IPO11: variants seen among roughly 807,000 people sequenced by gnomAD.
IPO11 encodes the protein importin-11.
In IPO11, 66 loss-of-function variants were observed where a neutral mutation model predicts 143.2. The observed-to-expected ratio is 0.46, with a 90% CI of 0.38 to 0.57. IPO11 has a LOEUF of 0.57. Ranked by LOEUF, IPO11 falls within the 20% of genes least tolerant of loss-of-function variation. The pLI, the probability that IPO11 is intolerant of heterozygous loss-of-function variation, is 0.00. For synonymous variants in IPO11, 385 were observed against 377.8 expected (o/e 1.02, Z -0.22); for missense variants, 1,026 against 1,141.0 (o/e 0.90, Z 1.45).
intron 13 of IPO11, among the ~76,000 whole-genome samples, chr5:62,488,523 T>TA (rs1746492122): frequency 6.6e-6 from 1 of 152,208 alleles, no homozygotes; most frequent in Non-Finnish European, 1.5e-5. Flanking sequence ...AGGAAACAGT[T>TA]ACCTCATTAG....
intron 28 of IPO11, among the ~76,000 whole-genome samples, chr5:62,592,687 T>C (rs1205322609): frequency 6.6e-6 from 1 of 152,112 alleles, no homozygotes; most frequent in East Asian, 1.9e-4. Context: ...GGAAACCTAC[T>C]GTCATGGCAG....
chr5:62,445,416 A>G (rs1026684691), intron 3 of IPO11, among the ~76,000 whole-genome samples: 1 of 152,124 alleles, frequency 6.6e-6, no homozygotes, highest in Admixed American at 6.6e-5. Context: ...ATTGTTAAAG[A>G]TGTGAATTTT....
intron 15 of IPO11, among the ~76,000 whole-genome samples, chr5:62,491,703 T>G (rs1192894018): frequency 6.6e-6 from 1 of 151,172 alleles, no homozygotes; most frequent in African/African-American, 2.4e-5. Flanking sequence ...TCTTGCTCTG[T>G]TGCCCAGGCT....
chr5:62,497,494 G>T (rs1027640469), intron 16 of IPO11, among the ~76,000 whole-genome samples: 1 of 151,936 alleles, frequency 6.6e-6, no homozygotes, highest in African/African-American at 2.4e-5. Flanking sequence ...TTGAGACAAG[G>T]TCTCACTTTG....
rs568427976 is a variant in IPO11 at position 62,449,955 on chromosome 5, C to G, written c.268C>G (p.Leu90Val). The change falls in exon 4 of 30, where the codon CTG (leucine) becomes GTG (valine). Residue 90 changes from leucine (L) to valine (V), a missense_variant. Transcript: ENST00000325324. ...HALSEEEKTT[L>V]RAGLITNFNE... ...TCTCTCAGAGGAGGAGAAAACTACTCTGCGTGCAGGGCTCATCACCAACTT... is the reference window on the plus strand; with the variant it reads ...TCTCTCAGAGGAGGAGAAAACTACTGTGCGTGCAGGGCTCATCACCAACTT... 6 of 1,595,764 alleles carry G rather than the reference C, an allele frequency of 3.8e-6. No homozygotes were observed. Among genetic ancestry groups the G allele is most frequent in the Non-Finnish European group, 1.7e-6 (2 of 1,172,878 alleles).
At chr5:62,489,084 A>G (rs1329457422) in intron 13 of IPO11, among the ~76,000 whole-genome samples, 1 of 152,134 alleles carries the variant, frequency 6.6e-6, no homozygotes, top group Non-Finnish European at 1.5e-5. Context: ...TTGTCATAAC[A>G]TTTTTCAAAT....
At chr5:62,448,975 T>C (rs983409111) in intron 3 of IPO11, among the ~76,000 whole-genome samples, 3 of 152,222 alleles carry the variant, frequency 2.0e-5, no homozygotes, top group Non-Finnish European at 2.9e-5. Context: ...TTAATTTAAT[T>C]CTGATACCCA....
chr5:62,478,332 A>C (rs558403809), intron 9 of IPO11, among the ~76,000 whole-genome samples: 4 of 151,780 alleles, frequency 2.6e-5, no homozygotes, highest in Non-Finnish European at 5.9e-5. Context: ...CGCCCAGCTA[A>C]ATTTTTGTAT....
At chr5:62,548,884 C>T (rs1423769647) in intron 24 of IPO11, among the ~76,000 whole-genome samples, 1 of 151,986 alleles carries the variant, frequency 6.6e-6, no homozygotes, top group East Asian at 1.9e-4. Flanking sequence ...AAATTATGCT[C>T]CCCCTCTTAA....
chr5:62,550,400 C>G lies in IPO11; in HGVS notation c.2284C>G (p.Leu762Val). The change falls in exon 25 of 30, where the codon CTA becomes GTA. Residue 762 changes from leucine (L) to valine (V), a missense_variant. Physicochemically the swap from Leu to Val is conservative, Grantham distance 32 (BLOSUM62 1). Transcript: ENST00000325324. ...AAATGCCCTTAAAGTGAACCCAATA[C>G]TAGGTCCACAAATGTTTCAACCGAT... ...VENALKVNPI[L>V]GPQMFQPILP... The G allele has an allele frequency of 6.2e-7, 1 of 1,612,992 alleles. No homozygotes were observed. The highest frequency in any genetic ancestry group is 8.5e-7 in the Non-Finnish European group (1 of 1,179,374).
intron 1 of IPO11, among the ~76,000 whole-genome samples, chr5:62,429,587 CGTGT>C (rs56185914): frequency 0.03 from 3,838 of 128,502 alleles, 110 homozygotes; most frequent in African/African-American, 0.085. Flanking sequence ...GTCTGATTTT[CGTGT>C]GTGTGTGTGT....
rs143547561 is a variant in IPO11, at chr5:62,415,224, C to T, written c.-7+2295C>T. On this transcript the variant is annotated intron_variant, in intron 1 of 29. Coordinates refer to ENST00000325324, the MANE Select transcript of IPO11 (RefSeq NM_016338.5). ...TGTCACCTAGGCTGGAGTGCAGTGG[C>T]GTGATCTCTGCTCACTGCATCTTCC... Among the ~76,000 whole-genome samples, 1,102 of 152,188 alleles carry T rather than the reference C, an allele frequency of 7.2e-3. 14 individuals carry two copies. The highest frequency in any genetic ancestry group is 0.025 in the African/African-American group (1,036 of 41,532).
At position 62,494,060 on chromosome 5, in the gene IPO11, A is replaced by G. The variant is rs759774961; in HGVS notation, c.1526A>G (p.Lys509Arg). ...GGTCAGTGGATTTCTGTGAAATTCA[A>G]GTCTGACTTAAGACCCATGCTTTAT... ...LIGQWISVKFKSDLRPMLYEA... is the reference protein window; with the variant it reads ...LIGQWISVKFRSDLRPMLYEA... Residue 509 changes from lysine (K) to arginine (R), a missense_variant, in exon 16 of 30, where the codon AAG becomes AGG. Coordinates refer to ENST00000325324, the MANE Select transcript of IPO11 (RefSeq NM_016338.5). The G allele has an allele frequency of 1.2e-6, 2 of 1,613,628 alleles. No homozygotes were observed. The highest frequency in any genetic ancestry group is 1.7e-6 in the Non-Finnish European group (2 of 1,179,640).
At chr5:62,472,020 G>C (rs1295081086) in intron 7 of IPO11, among the ~76,000 whole-genome samples, 1 of 152,092 alleles carries the variant, frequency 6.6e-6, no homozygotes, top group African/African-American at 2.4e-5. Context: ...GATACATTTC[G>C]ATTGCCATGC....
At chr5:62,434,896 G>C (rs377686828) in intron 1 of IPO11, among the ~76,000 whole-genome samples, 1 of 151,056 alleles carries the variant, frequency 6.6e-6, no homozygotes, top group Non-Finnish European at 1.5e-5. Context: ...GTGGTGGCTC[G>C]CGCCTGTAGT....
At chr5:62,551,811 G>A (rs139181892) in intron 26 of IPO11, among the ~76,000 whole-genome samples, 2 of 152,250 alleles carry the variant, frequency 1.3e-5, no homozygotes, top group African/African-American at 4.8e-5. Flanking sequence ...GTTTGGAATA[G>A]GTTTTTTAGT....
chr5:62,515,553 C>A (rs768693998), intron 20 of IPO11, 52 bp downstream of exon 20: 7 of 1,151,260 alleles, frequency 6.1e-6, no homozygotes, highest in Middle Eastern at 2.5e-4. Flanking sequence ...TTAAAAAATT[C>A]TTTTAACCAT....
intron 2 of IPO11, among the ~76,000 whole-genome samples, chr5:62,438,937 T>C (rs905374627): frequency 6.6e-6 from 1 of 151,714 alleles, no homozygotes; most frequent in Admixed American, 6.6e-5. Context: ...CGGGCGCCTG[T>C]AGTCCCAGCT....
intron 29 of IPO11, among the ~76,000 whole-genome samples, chr5:62,610,588 T>A (rs1745892176): frequency 6.6e-6 from 1 of 152,222 alleles, no homozygotes; most frequent in African/African-American, 2.4e-5. Context: ...ACTCCATTCT[T>A]TTAAGACTTA....
Sources: gnomAD v4.1 joint callset for allele counts (sites outside exome capture counted in the v4.1 genomes callset) on GRCh38, gnomAD v4.1.1 for gene constraint, MANE v1.5 for transcripts, NCBI Gene and HGNC (gene_info 2026-07-23, HGNC 2026-07-21) for gene names.